The following TMEM91 variants were observed in gnomAD, a reference collection of about 807,000 sequenced individuals.
The protein encoded by TMEM91 is dispanin subfamily C member 3.
In TMEM91, 6 loss-of-function variants were observed where a neutral mutation model predicts 13.3. The ratio of observed to expected loss-of-function variants is 0.45; its 90% CI spans 0.25 to 0.89. The LOEUF (loss-of-function observed/expected upper bound fraction) is 0.89. Ranked by LOEUF, TMEM91 falls within the 40% of genes least tolerant of loss-of-function variation. The pLI is 0.19. For synonymous variants in TMEM91, 87 were observed against 101.7 expected (o/e 0.86, Z 0.87); for missense variants, 193 against 228.7 (o/e 0.84, Z 1.01).
chr19:41,376,692 C>A lies in TMEM91; in HGVS notation c.-192C>A. On this transcript the variant is annotated 5_prime_UTR_variant, in exon 1 of 4. Transcript: ENST00000392002. ...CGCGGAGGGACAGAGCCTGGGAAGC[C>A]GTCGCCCCGCCCCGTCCCCGCCCCC... 1 of 152,340 alleles carries A rather than the reference C, an allele frequency of 6.6e-6. No homozygotes were observed. The highest frequency in any genetic ancestry group is 1.5e-5 in the Non-Finnish European group (1 of 68,060). 9.4% of individuals were successfully genotyped at this position (152,340 alleles called of 1,614,324 possible). A position where few individuals can be genotyped will look rare whatever the true frequency, so the allele number is the denominator to read the frequency against.
upstream of TMEM91, chr19:41,374,550 G>A (rs2038675174): frequency 6.6e-6 from 1 of 152,140 alleles, no homozygotes; most frequent in South Asian, 2.1e-4. Flanking sequence ...TTGGACATTT[G>A]TTGTTGCAGC....
In TMEM91 at chr19:41,383,689, G is replaced by C. The variant is rs2038947831; in HGVS notation, c.361-26G>C. ...GGTCTGGGACTGAGGGGATGCCTGG[G>C]TCACTGCTGCCCACTGCCTCTACAG... On this transcript the variant is annotated intron_variant, in intron 3 of 3. Coordinates refer to ENST00000392002, the MANE Select transcript of TMEM91 (RefSeq NM_001098821.2). 4 of 1,613,622 alleles carry C rather than the reference G, an allele frequency of 2.5e-6. No individual in the cohort carries two copies. The East Asian group carries it at 8.9e-5, about 36-fold the overall frequency.
chr19:41,378,333 G>A lies in TMEM91; in HGVS notation c.24G>A (p.Glu8=), dbSNP rs995151665. The A allele has an allele frequency of 2.5e-6, 4 of 1,614,028 alleles. No homozygotes were observed. The highest frequency in any genetic ancestry group is 2.2e-5 in the East Asian group (1 of 44,894). The change falls in exon 2 of 4, where the codon GAG becomes GAA. Residue 8 remains glutamate, a synonymous_variant. Transcript: ENST00000392002. The part of the protein sequence containing the change: MDSPSLR[E]LQQPLLEGTE... ...CCATGGACAGCCCTAGTCTTCGTGAGCTTCAACAGCCTCTGCTGGAGGGCA... is the reference window on the plus strand; with the variant it reads ...CCATGGACAGCCCTAGTCTTCGTGAACTTCAACAGCCTCTGCTGGAGGGCA...
chr19:41,367,296 CTCTTTCTT>C (rs901653509), intron 1 of TMEM91, among the ~76,000 whole-genome samples: 1 of 152,026 alleles, frequency 6.6e-6, no homozygotes, highest in African/African-American at 2.4e-5. Flanking sequence ...AGGAGGAGTA[CTCTTTCTT>C]TCTTTCTTTC....
chr19:41,370,155 G>A (rs934571647), intron 1 of TMEM91, among the ~76,000 whole-genome samples: 18 of 151,944 alleles, frequency 1.2e-4, no homozygotes, highest in African/African-American at 4.4e-4. Context: ...TCAGCTCAAC[G>A]CAACCTCTGC....
intron 1 of TMEM91, among the ~76,000 whole-genome samples, chr19:41,364,929 C>T (rs985285409): frequency 3.9e-5 from 6 of 151,906 alleles, no homozygotes; most frequent in Admixed American, 6.6e-5. Flanking sequence ...GGCTGGAGTA[C>T]GGTGGCTCGA....
chr19:41,370,551 C>T (rs1483098485), intron 1 of TMEM91, among the ~76,000 whole-genome samples: 4 of 151,734 alleles, frequency 2.6e-5, no homozygotes, highest in Non-Finnish European at 4.4e-5. Flanking sequence ...GGACTACAGG[C>T]GTGTGCCACC....
chr19:41,378,643 C>T (rs2038789866), intron 2 of TMEM91, 124 bp downstream of exon 2: 3 of 925,222 alleles, frequency 3.2e-6, no homozygotes, highest in Non-Finnish European at 4.8e-6. Context: ...CACTTCCCAG[C>T]TGTGTGTGGG....
Position 41,378,435 on chromosome 19 carries a change from G to A in TMEM91, c.126G>A (p.Glu42=). The change falls in exon 2 of 4, where the codon GAG becomes GAA. Residue 42 remains glutamate (E), a synonymous_variant. Coordinates refer to ENST00000392002, the MANE Select transcript of TMEM91 (RefSeq NM_001098821.2). ...GSPLREIAFA[E]SLRGLQFLSP... is the part of the protein sequence containing the mutation. The stretch of plus-strand genomic sequence containing the variant: ...CCTTAAGAGAGATAGCCTTTGCCGA[G>A]TCCCTGAGGGGTTTGCAGTTCCTGT... 1.2e-6 allele frequency: 2 copies of A among 1,614,190 alleles called. No individual in the cohort carries two copies. The highest frequency in any genetic ancestry group is 2.2e-5 in the East Asian group (1 of 44,876).
At chr19:41,368,238 C>T (rs569382157) in intron 1 of TMEM91, among the ~76,000 whole-genome samples, 1 of 151,916 alleles carries the variant, frequency 6.6e-6, no homozygotes, top group East Asian at 1.9e-4. Context: ...TAGTGAGACC[C>T]TCATTTCTAC....
At chr19:41,366,784 T>C (rs1325169761) in intron 1 of TMEM91, among the ~76,000 whole-genome samples, 4 of 151,984 alleles carry the variant, frequency 2.6e-5, no homozygotes, top group Non-Finnish European at 5.9e-5. Flanking sequence ...AAGGCTCCCA[T>C]GTATACATGT....
upstream of TMEM91, among the ~76,000 whole-genome samples, chr19:41,374,795 C>G (rs956824806): frequency 6.6e-6 from 1 of 152,118 alleles, no homozygotes; most frequent in Non-Finnish European, 1.5e-5. Context: ...ACCAGCCTGA[C>G]TCATATGGAG....
intron 3 of TMEM91, 122 bp from the exon 4 acceptor site, chr19:41,383,593 C>T (rs762589112): frequency 2.0e-5 from 33 of 1,613,634 alleles, no homozygotes; most frequent in African/African-American, 5.4e-5. Flanking sequence ...GTAGGTGCTA[C>T]GTATCTGCTT....
chr19:41,383,613 A>T (rs1035845712), intron 3 of TMEM91, 102 bp from the exon 4 acceptor site: 3 of 1,613,870 alleles, frequency 1.9e-6, no homozygotes, highest in Non-Finnish European at 2.5e-6. Context: ...TTTGGAATAC[A>T]TGCATGAATG....
At chr19:41,367,801 TCAATAATTTTTTCTGTAGAGA>T (rs2038552130) in intron 1 of TMEM91, among the ~76,000 whole-genome samples, 1 of 152,054 alleles carries the variant, frequency 6.6e-6, no homozygotes, top group Non-Finnish European at 1.5e-5. Context: ...AGCTAATTTT[TCAATAATTTTTTCTGTAGAGA>T]CATGGTCTCA....
chr19:41,370,638 C>A (rs1252221722), intron 1 of TMEM91, among the ~76,000 whole-genome samples: 1 of 152,084 alleles, frequency 6.6e-6, no homozygotes, highest in African/African-American at 2.4e-5. Flanking sequence ...AACTCCTGAC[C>A]TTGTGATCCA....
At chr19:41,382,711 C>G in intron 2 of TMEM91, 61 bp from the exon 3 acceptor site, 7 of 1,575,650 alleles carry the variant, frequency 4.4e-6, no homozygotes, top group Non-Finnish European at 6.0e-6. Context: ...CTATGGAGAG[C>G]AGAGCAATGG....
intron 1 of TMEM91, among the ~76,000 whole-genome samples, chr19:41,368,541 C>G (rs2038565391): frequency 6.6e-6 from 1 of 152,014 alleles, no homozygotes; most frequent in Non-Finnish European, 1.5e-5. Flanking sequence ...TCCCAAGTAG[C>G]TGGGATTACA....
rs114392187 is a variant in TMEM91, at chr19:41,370,751, G to A, written c.-30+6656G>A. On this transcript the variant is annotated intron_variant, in intron 1 of 3. Transcript: ENST00000413014. ...GAAGTCTCATTGTGTTGCCTAGGCT[G>A]TGGTGTAGCAACGTGATCTCTGTTC... Among the ~76,000 whole-genome samples the A allele has an allele frequency of 7.1e-3, 1,078 of 151,464 alleles. 13 individuals carry two copies. Among genetic ancestry groups the A allele is most frequent in the African/African-American group, 0.025 (1,026 of 41,284 alleles).
Sources: allele counts gnomAD v4.1 joint callset (sites outside exome capture counted in the v4.1 genomes callset), GRCh38; gene constraint gnomAD v4.1.1; transcripts MANE v1.5; gene names NCBI Gene and HGNC (gene_info 2026-07-23, HGNC 2026-07-21).